Variants in IL1RAPL2 observed in about 807,000 individuals in gnomAD.
IL1RAPL2 encodes interleukin 1 receptor accessory protein like 2, also known as X-linked interleukin-1 receptor accessory protein-like 2.
Under a neutral mutation model 44.1 loss-of-function variants are expected in IL1RAPL2, and 3 were observed. That is an observed-to-expected ratio of 0.07 (90% CI 0.03 to 0.18). The LOEUF (loss-of-function observed/expected upper bound fraction) is 0.18, where lower values mean the gene tolerates loss of function less well. Among genes scored for constraint, IL1RAPL2 ranks in the 10% least tolerant of loss-of-function variants. IL1RAPL2 has a pLI of 1.00. For missense variants in IL1RAPL2, 391 were observed against 496.4 expected (o/e 0.79, Z 2.02); for synonymous variants, 181 against 178.8 (o/e 1.01, Z -0.10).
chrX:105,702,235 A>G (rs888511173), intron 6 of IL1RAPL2, among the ~76,000 whole-genome samples: 4 of 111,462 alleles, frequency 3.6e-5, no homozygotes, highest in South Asian at 3.8e-4. Context: ...TGCCCCTGGC[A>G]TTCCTGTTGT....
chrX:105,518,398 A>G (rs2036531325), intron 6 of IL1RAPL2, among the ~76,000 whole-genome samples: 1 of 111,644 alleles, frequency 9.0e-6, no homozygotes, highest in African/African-American at 3.2e-5. Context: ...AGAGCTCCAC[A>G]AATGAGAAGG....
chrX:105,084,674 T>C (rs756250537), intron 2 of IL1RAPL2, among the ~76,000 whole-genome samples: 2 of 112,382 alleles, frequency 1.8e-5, no homozygotes, highest in South Asian at 7.5e-4. Flanking sequence ...CTTCGGACTG[T>C]GGACTTCTGA....
intron 2 of IL1RAPL2, among the ~76,000 whole-genome samples, chrX:104,716,396 A>C (rs1180749482): frequency 1.8e-5 from 2 of 111,579 alleles, no homozygotes; most frequent in East Asian, 5.7e-4. Context: ...AAGACACCAA[A>C]AGCAATTGCA....
At chrX:105,323,674 G>A (rs968943215) in intron 5 of IL1RAPL2, among the ~76,000 whole-genome samples, 1 of 111,555 alleles carries the variant, frequency 9.0e-6, no homozygotes, top group African/African-American at 3.3e-5. Flanking sequence ...AGGAGGTTGA[G>A]ACCAGCCTGG....
rs564499585 is a variant in IL1RAPL2 at position 105,741,382 on chromosome X, G to A, written c.1048+691G>A. 2.6e-3 allele frequency among the ~76,000 whole-genome samples: 296 copies of A among 111,807 alleles called. No individual in the cohort carries two copies. The South Asian group carries it at 0.04, about 15-fold the overall frequency. ...TCTGAATTGGCTCTTACCTTGCTAT[G>A]GCTTTTGATTGCTACAAAAGGGTAA... On this transcript the variant is annotated intron_variant, in intron 8 of 10. Coordinates refer to ENST00000372582, the MANE Select transcript of IL1RAPL2 (RefSeq NM_017416.2).
rs768867846 is a variant in IL1RAPL2 at position 105,375,442 on chromosome X, C to T, written c.697+107901C>T. 2.7e-5 allele frequency among the ~76,000 whole-genome samples: 3 copies of T among 111,492 alleles called. 1 individual carries two copies. Among genetic ancestry groups the T allele is most frequent in the Admixed American group, 1.9e-4 (2 of 10,520 alleles). On this transcript the variant is annotated intron_variant, in intron 5 of 10. Coordinates refer to ENST00000372582, the MANE Select transcript of IL1RAPL2 (RefSeq NM_017416.2). ...AGGAGAATCACTTGAATCTGGGAGG[C>T]GGAGGTTGCAGTGAGCCGAGATTGC...
At chrX:105,011,109 G>C (rs2031040439) in intron 2 of IL1RAPL2, among the ~76,000 whole-genome samples, 1 of 110,984 alleles carries the variant, frequency 9.0e-6, no homozygotes, top group African/African-American at 3.3e-5. Flanking sequence ...TACTAGTTGT[G>C]TGACTTTGGG....
intron 2 of IL1RAPL2, among the ~76,000 whole-genome samples, chrX:104,764,513 G>C (rs1932522716): frequency 9.0e-6 from 1 of 111,731 alleles, no homozygotes; most frequent in East Asian, 2.8e-4. Context: ...AGGATAATTT[G>C]ACTTCTTCCT....
chrX:104,619,481 C>A (rs749710250), intron 1 of IL1RAPL2, among the ~76,000 whole-genome samples: 1 of 111,961 alleles, frequency 8.9e-6, no homozygotes, highest in African/African-American at 3.2e-5. Context: ...CACTTAATAG[C>A]TAAATGCTGT....
intron 5 of IL1RAPL2, among the ~76,000 whole-genome samples, chrX:105,282,479 C>T (rs1266111024): frequency 9.0e-6 from 1 of 111,542 alleles, no homozygotes; most frequent in Non-Finnish European, 1.9e-5. Context: ...TGGCAACCAC[C>T]AGATGCAGAG....
At chrX:105,374,433 A>T (rs190098046) in intron 5 of IL1RAPL2, among the ~76,000 whole-genome samples, 13 of 111,437 alleles carry the variant, frequency 1.2e-4, no homozygotes, top group African/African-American at 3.9e-4. Context: ...TTTGGGCAGG[A>T]TGGCCATTTT....
chrX:105,204,213 A>G (rs1263713645), intron 3 of IL1RAPL2, among the ~76,000 whole-genome samples: 13 of 111,820 alleles, frequency 1.2e-4, no homozygotes, highest in Admixed American at 1.0e-3. Flanking sequence ...GTAGAGTCAT[A>G]TGGTGTCCCT....
intron 2 of IL1RAPL2, among the ~76,000 whole-genome samples, chrX:104,969,043 A>ATTTATAATAAATCAGC (rs2030183691): frequency 9.5e-6 from 1 of 105,313 alleles, no homozygotes; most frequent in East Asian, 3.0e-4. Context: ...ATATAAGCTG[A>ATTTATAATAAATCAGC]TTCCAAAATA....
intron 5 of IL1RAPL2, among the ~76,000 whole-genome samples, chrX:105,336,902 C>CT (rs780055105): frequency 9.0e-6 from 1 of 111,541 alleles, no homozygotes; most frequent in East Asian, 2.8e-4. Context: ...TCTCTGATGC[C>CT]TTTTTTCCTT....
intron 6 of IL1RAPL2, among the ~76,000 whole-genome samples, chrX:105,508,377 A>G (rs183388747): frequency 6.2e-4 from 69 of 111,222 alleles, no homozygotes; most frequent in African/African-American, 2.3e-3. Flanking sequence ...ACCAAAGCTC[A>G]TGGCCATAAG....
At chrX:105,198,510 C>A (rs1329225309) in intron 3 of IL1RAPL2, among the ~76,000 whole-genome samples, 1 of 112,327 alleles carries the variant, frequency 8.9e-6, no homozygotes, top group African/African-American at 3.2e-5. Flanking sequence ...TTATATCCAG[C>A]TTTCCCATTT....
At chrX:105,499,419 C>T (rs1301867008) in intron 6 of IL1RAPL2, among the ~76,000 whole-genome samples, 1 of 110,526 alleles carries the variant, frequency 9.0e-6, no homozygotes, top group African/African-American at 3.3e-5. Context: ...CGCTTCTATG[C>T]AGCAAAGGAA....
intron 5 of IL1RAPL2, among the ~76,000 whole-genome samples, chrX:105,358,702 CA>C (rs11339990): frequency 0.16 from 11,419 of 70,150 alleles, 1,945 homozygotes; most frequent in African/African-American, 0.46. Flanking sequence ...CAACAACAAA[CA>C]AAAAAAAAAA....
In IL1RAPL2 at chrX:104,970,684, A is replaced by G. The variant is rs144480533; in HGVS notation, c.83-224791A>G. On this transcript the variant is annotated intron_variant, in intron 2 of 10. Transcript: ENST00000372582. ...GCAGAGGTGCTTTTGCCTCTTCTCT[A>G]TTTCAGCTATTCTTCAATCTGGTCC... 4.3e-3 allele frequency among the ~76,000 whole-genome samples: 477 copies of G among 111,571 alleles called. 3 individuals are homozygous for G. The highest frequency in any genetic ancestry group is 7.7e-3 in the Non-Finnish European group (409 of 53,112).
Sources: allele counts gnomAD v4.1 joint callset (sites outside exome capture counted in the v4.1 genomes callset), GRCh38; gene constraint gnomAD v4.1.1; transcripts MANE v1.5; gene names NCBI Gene and HGNC (gene_info 2026-07-23, HGNC 2026-07-21).